Variants in COL23A1 observed in about 807,000 individuals in gnomAD.
COL23A1 encodes collagen type XXIII alpha 1 chain, also known as collagen alpha-1(XXIII) chain.
COL23A1 carries 97 observed loss-of-function variants against 99.3 expected under a neutral mutation model. That is an observed-to-expected ratio of 0.98 (90% CI 0.83 to 1.16). The LOEUF is 1.16. Ranked by LOEUF, COL23A1 falls within the 50% of genes most tolerant of loss-of-function variation. COL23A1 has a pLI of 0.00. For synonymous variants in COL23A1, 320 were observed against 308.2 expected, an observed-to-expected ratio of 1.04 and a Z score of -0.40; for missense variants, 762 against 757.4, an observed-to-expected ratio of 1.01 and a Z score of -0.07.
intron 2 of COL23A1, among the ~76,000 whole-genome samples, chr5:178,325,967 C>G (rs1237950446): frequency 6.6e-6 from 1 of 152,206 alleles, no homozygotes; most frequent in African/African-American, 2.4e-5. Context: ...CGGGGTCTTT[C>G]TAGCCAGGGC....
intron 2 of COL23A1, among the ~76,000 whole-genome samples, chr5:178,453,677 G>C (rs915232959): frequency 6.6e-6 from 1 of 152,184 alleles, no homozygotes; most frequent in African/African-American, 2.4e-5. Flanking sequence ...CAGTCAACCA[G>C]CTCTCCACAA....
Position 178,468,019 on chromosome 5 carries a change from G to C in COL23A1, c.361+92663C>G, listed in dbSNP as rs535000733. Among the ~76,000 whole-genome samples, 1 of 152,092 alleles carries C rather than the reference G, an allele frequency of 6.6e-6. No individual in the cohort carries two copies. The highest frequency in any genetic ancestry group is 2.4e-5 in the African/African-American group (1 of 41,408). The stretch of plus-strand genomic sequence containing the variant: ...GGAAGGCGGCGATGCTCTCTGGAGC[G>C]GACAGGCGTATTTAATATCCCACCC... On this transcript the variant is annotated intron_variant, in intron 2 of 28. Coordinates refer to ENST00000390654, the MANE Select transcript of COL23A1 (RefSeq NM_173465.4). This position sits in a 1 kb window ranked among gnomAD's most constrained non-coding sequence, Gnocchi z 4.2.
At chr5:178,262,351 T>C (rs1765679141) in intron 9 of COL23A1, 99 bp from the exon 10 acceptor site, 1 of 1,118,068 alleles carries the variant, frequency 8.9e-7, no homozygotes, top group African/African-American at 1.6e-5. Flanking sequence ...TCTAAGTACA[T>C]TATCTTATCT....
At chr5:178,506,577 G>A (rs1758885667) in intron 2 of COL23A1, among the ~76,000 whole-genome samples, 1 of 152,172 alleles carries the variant, frequency 6.6e-6, no homozygotes, top group South Asian at 2.1e-4. Context: ...CCTGGTGTGG[G>A]GCTGTGGTCA....
chr5:178,240,073 G>T (rs1270850726), intron 27 of COL23A1, among the ~76,000 whole-genome samples: 2 of 152,168 alleles, frequency 1.3e-5, no homozygotes, highest in Non-Finnish European at 2.9e-5. Flanking sequence ...GTTGCTGGGG[G>T]TTGGGGCTGG....
intron 2 of COL23A1, among the ~76,000 whole-genome samples, chr5:178,362,079 G>C (rs1364417481): frequency 1.3e-5 from 2 of 152,232 alleles, no homozygotes; most frequent in Admixed American, 6.5e-5. Flanking sequence ...AAGCAACAAG[G>C]AGGCTTCCTA....
intron 2 of COL23A1, among the ~76,000 whole-genome samples, chr5:178,555,923 C>A (rs1762247610): frequency 6.6e-6 from 1 of 152,206 alleles, no homozygotes; most frequent in African/African-American, 2.4e-5. Flanking sequence ...TAAAGCCCAG[C>A]CTCTCCCCAC....
At position 178,365,555 on chromosome 5, in the gene COL23A1, C is replaced by T. The variant is rs1762426728; in HGVS notation, c.362-58636G>A. On this transcript the variant is annotated intron_variant, in intron 2 of 28. Transcript: ENST00000390654. This position sits in a 1 kb window ranked among gnomAD's most constrained non-coding sequence, Gnocchi z 5.2. ...CTCCTTGGCAGGGATGAGGGGTCCT[C>T]AGGTCTGGCTGGGCCCACCTGGCTG... 6.6e-6 allele frequency among the ~76,000 whole-genome samples: 1 copy of T among 152,178 alleles called. No homozygotes were observed. The highest frequency in any genetic ancestry group is 2.1e-4 in the South Asian group (1 of 4,824).
chr5:178,443,531 G>A (rs1766996896), intron 2 of COL23A1, among the ~76,000 whole-genome samples: 1 of 152,186 alleles, frequency 6.6e-6, no homozygotes, highest in African/African-American at 2.4e-5. Flanking sequence ...CACGATCTCG[G>A]CTCACTGCAA....
chr5:178,573,600 A>G (rs1190073166), intron 1 of COL23A1, among the ~76,000 whole-genome samples: 2 of 152,238 alleles, frequency 1.3e-5, no homozygotes, highest in African/African-American at 4.8e-5. Flanking sequence ...GTAATCCTTC[A>G]TTCACATTCA....
At chr5:178,388,182 C>T (rs1320628315) in intron 2 of COL23A1, among the ~76,000 whole-genome samples, 1 of 152,198 alleles carries the variant, frequency 6.6e-6, no homozygotes, top group African/African-American at 2.4e-5. Flanking sequence ...TTCAGAGACT[C>T]CTGAAATGTA....
At chr5:178,537,500 C>T (rs973848246) in intron 2 of COL23A1, among the ~76,000 whole-genome samples, 4 of 152,146 alleles carry the variant, frequency 2.6e-5, no homozygotes, top group African/African-American at 4.8e-5. Context: ...CTGGGACTGA[C>T]GGAGGACAAG....
intron 5 of COL23A1, among the ~76,000 whole-genome samples, chr5:178,272,009 C>T (rs911352897): frequency 2.6e-5 from 4 of 152,230 alleles, no homozygotes; most frequent in African/African-American, 9.6e-5. Context: ...GACGGACTCC[C>T]AGGCCCAGCA....
At chr5:178,341,138 A>T (rs1760637099) in intron 2 of COL23A1, among the ~76,000 whole-genome samples, 1 of 152,064 alleles carries the variant, frequency 6.6e-6, no homozygotes, top group Non-Finnish European at 1.5e-5. Context: ...TTCTTTTTTA[A>T]AAAGTTTATT....
At chr5:178,444,942 T>C (rs1355095827) in intron 2 of COL23A1, among the ~76,000 whole-genome samples, 2 of 152,206 alleles carry the variant, frequency 1.3e-5, no homozygotes, top group Non-Finnish European at 2.9e-5. Context: ...ACACAATGTA[T>C]ACACAGCACT....
chr5:178,300,903 G>A (rs1757998127), intron 3 of COL23A1, among the ~76,000 whole-genome samples: 2 of 152,144 alleles, frequency 1.3e-5, no homozygotes, highest in South Asian at 4.1e-4. Context: ...CAACTATGAT[G>A]TGCTTAGGTA....
intron 1 of COL23A1, among the ~76,000 whole-genome samples, chr5:178,588,776 AACATTGGAAAC>A (rs1483837144): frequency 6.6e-6 from 1 of 152,196 alleles, no homozygotes; most frequent in Non-Finnish European, 1.5e-5. Context: ...AAAGGAACTC[AACATTGGAAAC>A]ACAGCTGGAT....
chr5:178,398,251 A>C (rs537811877), intron 2 of COL23A1, among the ~76,000 whole-genome samples: 1 of 152,270 alleles, frequency 6.6e-6, no homozygotes, highest in Non-Finnish European at 1.5e-5. Flanking sequence ...TGTGGCGTTC[A>C]GATGTGAACA....
chr5:178,349,651 G>A (rs1441572506), intron 2 of COL23A1, among the ~76,000 whole-genome samples: 1 of 151,240 alleles, frequency 6.6e-6, no homozygotes, highest in South Asian at 2.1e-4. Flanking sequence ...TTTGTCTTCT[G>A]TCTCCCTTGG....
Sources: gnomAD v4.1 joint callset for allele counts (sites outside exome capture counted in the v4.1 genomes callset) on GRCh38, gnomAD v4.1.1 for gene constraint, Gnocchi (gnomAD v3.1) non-coding constraint, MANE v1.5 for transcripts, NCBI Gene and HGNC (gene_info 2026-07-23, HGNC 2026-07-21) for gene names.